The following PRKAR1A variants were observed in gnomAD, a reference collection of about 807,000 sequenced individuals.
The protein encoded by PRKAR1A is protein kinase cAMP-dependent type I regulatory subunit alpha.
In PRKAR1A, 3 loss-of-function variants were observed where a neutral mutation model predicts 52.0. The observed-to-expected ratio is 0.06, with a 90% CI of 0.03 to 0.15. The LOEUF is 0.15. Ranked by LOEUF, PRKAR1A falls within the 10% of genes least tolerant of loss-of-function variation. PRKAR1A has a pLI of 1.00. For missense variants in PRKAR1A, 240 were observed against 477.4 expected (o/e 0.50, Z 4.63); for synonymous variants, 188 against 168.4 (o/e 1.12, Z -0.90).
At chr17:68,426,243 G>GGGGT in the PRKAR1A span, 1 of 935,364 alleles carries the variant, frequency 1.1e-6, no homozygotes, top group Non-Finnish European at 1.6e-6. Flanking sequence ...CCTGGCGGGT[G>GGGGT]GGGAGCGGGG....
At chr17:68,437,002 A>AG in the PRKAR1A span, among the ~76,000 whole-genome samples, 1 of 60,650 alleles carries the variant, frequency 1.6e-5, no homozygotes, top group Non-Finnish European at 4.0e-5. Flanking sequence ...TCAAAAAAAA[A>AG]AAAATATATA....
At chr17:68,435,469 G>C in the PRKAR1A span, 1 of 747,878 alleles carries the variant, frequency 1.3e-6, no homozygotes, top group East Asian at 2.5e-5. Flanking sequence ...CACACATGCA[G>C]AGGCCAGAAA....
At chr17:68,473,358 A>G in the PRKAR1A span, among the ~76,000 whole-genome samples, 2 of 152,210 alleles carry the variant, frequency 1.3e-5, no homozygotes, top group Non-Finnish European at 2.9e-5. Flanking sequence ...CCTGTGCAAC[A>G]TAGTGAGACC....
chr17:68,437,562 A>T, the PRKAR1A span, among the ~76,000 whole-genome samples: 1,659 of 152,142 alleles, frequency 0.011, 28 homozygotes, highest in African/African-American at 0.037. Context: ...AAGAAAAAAA[A>T]AAAAAGAAAC....
the PRKAR1A span, among the ~76,000 whole-genome samples, chr17:68,504,156 A>G: frequency 6.6e-6 from 1 of 152,180 alleles, no homozygotes; most frequent in Admixed American, 6.5e-5. Flanking sequence ...CTGTCAATAG[A>G]TGAGTGGATA....
In PRKAR1A at chr17:68,540,902, T is replaced by C. The variant is rs143268382; in HGVS notation, c.974-10182T>C. The C allele has an allele frequency of 2.2e-4, 351 of 1,605,034 alleles. No individual in the cohort carries two copies. The highest frequency in any genetic ancestry group is 1.9e-3 in the African/African-American group (146 of 74,926). On this transcript the variant is annotated intron_variant, in intron 11 of 11. Coordinates refer to the PRKAR1A transcript ENST00000585981. Reference sequence around the variant, plus strand: ...GATGACATTGAGGAGCCGCTGGCTGTTGTTGTACGGGTAGATCTGTTTCAC... The same window carrying C: ...GATGACATTGAGGAGCCGCTGGCTGCTGTTGTACGGGTAGATCTGTTTCAC...
chr17:68,444,536 C>A, the PRKAR1A span: 1 of 1,614,168 alleles, frequency 6.2e-7, no homozygotes, highest in Non-Finnish European at 8.5e-7. Context: ...TCAACAGCTT[C>A]ATGTCTTTAA....
intron 1 of PRKAR1A, among the ~76,000 whole-genome samples, chr17:68,513,844 C>T (rs559032348): frequency 2.3e-4 from 35 of 152,304 alleles, no homozygotes; most frequent in Middle Eastern, 6.8e-3. Flanking sequence ...TCTCTCATCT[C>T]TACCAGCCAA....
chr17:68,448,822 C>T, the PRKAR1A span, among the ~76,000 whole-genome samples: 92 of 152,270 alleles, frequency 6.0e-4, no homozygotes, highest in Admixed American at 1.7e-3. Context: ...GTGAAAACAC[C>T]TGAGTCAAGA....
the PRKAR1A span, among the ~76,000 whole-genome samples, chr17:68,506,014 T>C: frequency 1.3e-5 from 2 of 152,240 alleles, no homozygotes; most frequent in Non-Finnish European, 2.9e-5. Context: ...GATAATTACA[T>C]CAATTTCAAA....
At chr17:68,526,840 A>G (rs1315669147) in intron 7 of PRKAR1A, among the ~76,000 whole-genome samples, 1 of 152,220 alleles carries the variant, frequency 6.6e-6, no homozygotes, top group Non-Finnish European at 1.5e-5. Context: ...CCTGGGCAAC[A>G]AAATTACCTG....
At chr17:68,491,145 G>A in the PRKAR1A span, among the ~76,000 whole-genome samples, 1 of 150,520 alleles carries the variant, frequency 6.6e-6, no homozygotes, top group Non-Finnish European at 1.5e-5. Context: ...AGGCTGGAGT[G>A]CAATGGCATG....
chr17:68,420,309 A>G, the PRKAR1A span: 1 of 1,614,174 alleles, frequency 6.2e-7, no homozygotes, highest in Non-Finnish European at 8.5e-7. Flanking sequence ...GGTGCGGAGT[A>G]CCAGGCTGTG....
chr17:68,530,085 C>T, intron 10 of PRKAR1A, 84 bp downstream of exon 10: 1 of 1,533,666 alleles, frequency 6.5e-7, no homozygotes, highest in Non-Finnish European at 9.0e-7. Flanking sequence ...ATAATTTTGT[C>T]TTCTCCTGAA....
At chr17:68,529,038 CAG>C (rs746037237) in intron 9 of PRKAR1A, 47 bp downstream of exon 9, 1 of 1,609,634 alleles carries the variant, frequency 6.2e-7, no homozygotes, top group Non-Finnish European at 8.5e-7. Context: ...GTAAAGAACT[CAG>C]AATTTAATAC....
chr17:68,413,658 G>A, the PRKAR1A span: 1,656 of 156,670 alleles, frequency 0.011, 40 homozygotes, highest in African/African-American at 0.038. Flanking sequence ...CGAGCTTCCC[G>A]GCTGCTTTGG....
At chr17:68,529,795 C>T (rs1446441370) in intron 9 of PRKAR1A, 125 bp from the exon 10 acceptor site, 1 of 960,186 alleles carries the variant, frequency 1.0e-6, no homozygotes, top group East Asian at 2.4e-5. Flanking sequence ...TGGTGACTAA[C>T]TTTAAAGTCA....
the PRKAR1A span, among the ~76,000 whole-genome samples, chr17:68,506,475 C>T: frequency 6.7e-6 from 1 of 150,166 alleles, no homozygotes; most frequent in African/African-American, 2.5e-5. Flanking sequence ...CCCCTTCAGA[C>T]TGTGAAATTT....
intron 11 of PRKAR1A, chr17:68,541,047 C>T: frequency 1.9e-6 from 3 of 1,539,322 alleles, no homozygotes; most frequent in Non-Finnish European, 2.6e-6. Context: ...CCCCCCAATC[C>T]CTGCCTCCCT....
Sources: gnomAD v4.1 joint callset for allele counts (sites outside exome capture counted in the v4.1 genomes callset) on GRCh38, gnomAD v4.1.1 for gene constraint, MANE v1.5 for transcripts, NCBI Gene and HGNC (gene_info 2026-07-23, HGNC 2026-07-21) for gene names.